The following APP variants were observed in gnomAD, a reference collection of about 807,000 sequenced individuals.
APP encodes amyloid-beta precursor protein.
In APP, 31 loss-of-function variants were observed where a neutral mutation model predicts 101.4. The observed-to-expected ratio is 0.31, with a 90% confidence interval of 0.23 to 0.41. The LOEUF (loss-of-function observed/expected upper bound fraction) is 0.41, where lower values mean the gene tolerates loss of function less well. Among genes scored for constraint, APP ranks in the 10% least tolerant of loss-of-function variants. APP has a pLI of 1.00. For synonymous variants in APP, 366 were observed against 364.4 expected, an observed-to-expected ratio of 1.00 and a Z score of -0.05; for missense variants, 839 against 1,003.7, an observed-to-expected ratio of 0.84 and a Z score of 2.22.
At chr21:26,152,039 G>A (rs1024089053) in intron 1 of APP, among the ~76,000 whole-genome samples, 2 of 152,114 alleles carry the variant, frequency 1.3e-5, no homozygotes, top group African/African-American at 4.8e-5. Flanking sequence ...CACTTTGGGA[G>A]GCCGAGGCGG....
intron 2 of APP, among the ~76,000 whole-genome samples, chr21:26,100,493 T>A (rs1468491241): frequency 6.6e-6 from 1 of 152,252 alleles, no homozygotes; most frequent in Non-Finnish European, 1.5e-5. Context: ...ATGTATATAG[T>A]ATACCTTCCA....
intron 2 of APP, among the ~76,000 whole-genome samples, chr21:26,092,652 G>A (rs1209817452): frequency 6.6e-6 from 1 of 152,182 alleles, no homozygotes. Flanking sequence ...ATACCGCCAA[G>A]AGTGAACCCT....
At chr21:26,071,640 T>C (rs1237524878) in intron 3 of APP, among the ~76,000 whole-genome samples, 1 of 152,254 alleles carries the variant, frequency 6.6e-6, no homozygotes, top group Non-Finnish European at 1.5e-5. Flanking sequence ...AAAGGAAAAT[T>C]ACAGTTAGGA....
chr21:26,012,069 G>C (rs146603363), intron 6 of APP, among the ~76,000 whole-genome samples: 90 of 134,952 alleles, frequency 6.7e-4, no homozygotes, highest in African/African-American at 2.2e-3. Flanking sequence ...GTGGTGGTGT[G>C]ATCACGGCTC....
chr21:25,975,371 G>T, intron 10 of APP, 143 bp from the exon 11 acceptor site: 1 of 1,096,728 alleles, frequency 9.1e-7, no homozygotes, highest in Non-Finnish European at 1.3e-6. Context: ...TTCCAACATT[G>T]ACTAATTCTA....
intron 5 of APP, among the ~76,000 whole-genome samples, chr21:26,031,513 C>A (rs146397311): frequency 6.6e-6 from 1 of 152,218 alleles, no homozygotes; most frequent in African/African-American, 2.4e-5. Context: ...GGGGAGGCCT[C>A]AGAATCATGG....
At position 26,170,650 on chromosome 21, in the gene APP, T is replaced by C; in HGVS notation, c.-30A>G. The C allele has an allele frequency of 6.5e-7, 1 of 1,528,284 alleles. No individual in the cohort carries two copies. Among genetic ancestry groups the C allele is most frequent in the Non-Finnish European group, 8.7e-7 (1 of 1,142,908 alleles). The allele number at this position is 1,528,284 out of a possible 1,614,324, so 94.7% of individuals were successfully genotyped here. A position where few individuals can be genotyped will look rare whatever the true frequency, so the allele number is the denominator to read the frequency against. ...ACCCTGCGCGGGGCACCGAGTGCGC[T>C]GCTGTGCGAGTGGGATCCGCCGCGT... On this transcript the variant is annotated 5_prime_UTR_variant, in exon 1 of 18. Coordinates refer to ENST00000346798, the MANE Select transcript of APP (RefSeq NM_000484.4).
At chr21:25,954,787 C>G (rs1479081361) in intron 12 of APP, 98 bp from the exon 13 acceptor site, 31 of 990,748 alleles carry the variant, frequency 3.1e-5, no homozygotes, top group Non-Finnish European at 4.5e-5. Flanking sequence ...CGGAGTCTCG[C>G]TCTGTCGCCC....
chr21:26,015,304 C>G (rs1028237164), intron 6 of APP, among the ~76,000 whole-genome samples: 14 of 152,154 alleles, frequency 9.2e-5, no homozygotes, highest in African/African-American at 3.4e-4. Context: ...GTTAATTGAG[C>G]AGTTACTGTA....
At chr21:26,033,686 T>TTGTATTGCAA (rs1206397931) in intron 5 of APP, among the ~76,000 whole-genome samples, 1 of 152,120 alleles carries the variant, frequency 6.6e-6, no homozygotes, top group Non-Finnish European at 1.5e-5. Context: ...GCAAGGTTAG[T>TTGTATTGCAA]TGTATTGCAA....
rs142604938 is a variant in APP at position 26,162,323 on chromosome 21, A to G, written c.57+8241T>C. ...TGACAGAGTGAGGACTTGTCCCGAA[A>G]ACAAACAAAACCAAACACAGTATCA... On this transcript the variant is annotated intron_variant, in intron 1 of 17. Transcript: ENST00000346798. 1.3e-3 allele frequency among the ~76,000 whole-genome samples: 192 copies of G among 152,374 alleles called. 1 individual carries two copies. Among genetic ancestry groups the G allele is most frequent in the African/African-American group, 4.2e-3 (175 of 41,590 alleles).
At chr21:26,072,787 G>A (rs2061431452) in intron 3 of APP, among the ~76,000 whole-genome samples, 1 of 152,094 alleles carries the variant, frequency 6.6e-6, no homozygotes, top group Non-Finnish European at 1.5e-5. Flanking sequence ...AAAATCAAGG[G>A]TCTAGGAGAA....
chr21:26,077,865 ATGAAACCACTCAG>A (rs1361368102), intron 3 of APP, among the ~76,000 whole-genome samples: 5 of 152,308 alleles, frequency 3.3e-5, no homozygotes, highest in Admixed American at 3.3e-4. Flanking sequence ...GGAATGTTTA[ATGAAACCACTCAG>A]TGACTAATAT....
chr21:26,027,140 AT>A (rs1199969783), intron 5 of APP, among the ~76,000 whole-genome samples: 2 of 152,224 alleles, frequency 1.3e-5, no homozygotes, highest in African/African-American at 2.4e-5. Flanking sequence ...AATATGGACT[AT>A]CATGAGATCC....
At chr21:26,098,081 GAAAAAAAA>G (rs757879199) in intron 2 of APP, among the ~76,000 whole-genome samples, 3 of 54,382 alleles carry the variant, frequency 5.5e-5, no homozygotes, top group African/African-American at 1.3e-4. Context: ...CTCTGTCTCA[GAAAAAAAA>G]AAAAAAAAAA....
At chr21:26,032,654 C>T (rs942133030) in intron 5 of APP, among the ~76,000 whole-genome samples, 2 of 152,004 alleles carry the variant, frequency 1.3e-5, no homozygotes, top group Middle Eastern at 3.2e-3. Context: ...AAATACTGTG[C>T]CTATTTACTG....
chr21:25,971,729 C>G (rs1221058471), intron 11 of APP, among the ~76,000 whole-genome samples: 2 of 152,182 alleles, frequency 1.3e-5, no homozygotes, highest in Non-Finnish European at 2.9e-5. Flanking sequence ...CACACAGGGA[C>G]AGGAATAATG....
intron 14 of APP, among the ~76,000 whole-genome samples, chr21:25,908,372 G>C (rs551403284): frequency 6.6e-6 from 1 of 152,288 alleles, no homozygotes; most frequent in Non-Finnish European, 1.5e-5. Context: ...TTGTTCTTAA[G>C]AAAAACAACA....
intron 3 of APP, among the ~76,000 whole-genome samples, chr21:26,068,630 A>G (rs2046553564): frequency 6.6e-6 from 1 of 151,842 alleles, no homozygotes; most frequent in African/African-American, 2.4e-5. Flanking sequence ...CAGCCTCCCA[A>G]TTTGCTGGGA....
Sources: gnomAD v4.1 joint callset for allele counts (sites outside exome capture counted in the v4.1 genomes callset) on GRCh38, gnomAD v4.1.1 for gene constraint, MANE v1.5 for transcripts, NCBI Gene and HGNC (gene_info 2026-07-23, HGNC 2026-07-21) for gene names.